TENM4: variants seen among roughly 807,000 people sequenced by gnomAD.
TENM4 encodes the protein teneurin transmembrane protein 4.
TENM4 carries 82 observed loss-of-function variants against 243.3 expected under a neutral mutation model. The observed-to-expected ratio is 0.34, with a 90% CI of 0.28 to 0.40. The LOEUF (loss-of-function observed/expected upper bound fraction) is 0.40, where lower values mean the gene tolerates loss of function less well. TENM4 is among the 10% of genes least tolerant of loss of function. TENM4 has a pLI of 1.00. For missense variants in TENM4, 3,138 were observed against 3,673.3 expected (o/e 0.85, Z 3.77); for synonymous variants, 1,412 against 1,456.3 (o/e 0.97, Z 0.69).
At chr11:79,211,661 T>C (rs1157847369) in intron 3 of TENM4, among the ~76,000 whole-genome samples, 2 of 152,260 alleles carry the variant, frequency 1.3e-5, no homozygotes, top group African/African-American at 2.4e-5. Context: ...TCATTATTCA[T>C]AAAAATATGT....
rs1328261961 is a variant in TENM4 at position 79,141,388 on chromosome 11, TAGA to T, written c.-66+7319_-66+7321del. Among the ~76,000 whole-genome samples, 21 of 148,524 alleles carry T rather than the reference TAGA, an allele frequency of 1.4e-4. 1 individual carries two copies. Among genetic ancestry groups the T allele is most frequent in the African/African-American group, 5.1e-4 (21 of 41,036 alleles). On this transcript the variant is annotated intron_variant, in intron 4 of 33. Transcript: ENST00000278550. The stretch of plus-strand genomic sequence containing the variant: ...CTGTATGCCAATAAATTGGAAAACC[TAGA>T]AGAAGTGGATAAATTCCTAGACATA...
chr11:79,226,372 G>A (rs953517593), intron 2 of TENM4, among the ~76,000 whole-genome samples: 5 of 152,238 alleles, frequency 3.3e-5, no homozygotes, highest in African/African-American at 1.2e-4. Context: ...AGCAGAGGGG[G>A]AGAGGGGTAC....
At chr11:79,380,573 G>T (rs1394166906) in intron 1 of TENM4, among the ~76,000 whole-genome samples, 1 of 152,164 alleles carries the variant, frequency 6.6e-6, no homozygotes, top group African/African-American at 2.4e-5. Flanking sequence ...CATAAGCTTG[G>T]GAAAAGCTGG....
At chr11:78,837,564 C>T (rs1270137352) in intron 12 of TENM4, among the ~76,000 whole-genome samples, 2 of 152,154 alleles carry the variant, frequency 1.3e-5, no homozygotes, top group East Asian at 3.9e-4. Context: ...CTTCTCCTGA[C>T]CATACCCTGT....
At chr11:79,251,766 G>T (rs1010982806) in intron 2 of TENM4, among the ~76,000 whole-genome samples, 2 of 150,594 alleles carry the variant, frequency 1.3e-5, no homozygotes, top group Non-Finnish European at 3.0e-5. Context: ...ATAAAATTAT[G>T]AGAAAATATA....
chr11:79,206,832 G>A (rs1042059137), intron 3 of TENM4, among the ~76,000 whole-genome samples: 2 of 152,120 alleles, frequency 1.3e-5, no homozygotes, highest in Non-Finnish European at 2.9e-5. Context: ...CGTGAAAATG[G>A]ACTAATACAC....
intron 6 of TENM4, 68 bp downstream of exon 6, chr11:79,064,670 T>G (rs1318197112): frequency 6.5e-7 from 1 of 1,532,048 alleles, no homozygotes; most frequent in Admixed American, 2.0e-5. Flanking sequence ...GAGCAGGAAA[T>G]CAATATTATA....
intron 6 of TENM4, among the ~76,000 whole-genome samples, chr11:78,998,504 T>C (rs1397078877): frequency 6.6e-6 from 1 of 152,140 alleles, no homozygotes; most frequent in Non-Finnish European, 1.5e-5. Flanking sequence ...ATAACTATTT[T>C]AATTTTCTGG....
chr11:79,315,665 C>G (rs1856791441), intron 1 of TENM4, among the ~76,000 whole-genome samples: 2 of 152,206 alleles, frequency 1.3e-5, no homozygotes, highest in African/African-American at 4.8e-5. Context: ...TCAGAATCTG[C>G]CACTTGTCAG....
intron 2 of TENM4, among the ~76,000 whole-genome samples, chr11:79,263,505 C>G (rs1363192953): frequency 6.6e-6 from 1 of 152,182 alleles, no homozygotes; most frequent in Admixed American, 6.5e-5. Flanking sequence ...GACGTGCACT[C>G]TAGTTTTTCC....
At chr11:79,116,309 C>T (rs2137118574) in intron 4 of TENM4, among the ~76,000 whole-genome samples, 1 of 152,264 alleles carries the variant, frequency 6.6e-6, no homozygotes, top group East Asian at 1.9e-4. Flanking sequence ...GAAAATGAGT[C>T]TCAGAAATGC....
chr11:79,116,298 A>G (rs1861619221), intron 4 of TENM4, among the ~76,000 whole-genome samples: 1 of 152,210 alleles, frequency 6.6e-6, no homozygotes, highest in Non-Finnish European at 1.5e-5. Context: ...TCACAGATGA[A>G]GAAAATGAGT....
intron 3 of TENM4, among the ~76,000 whole-genome samples, chr11:79,206,486 C>G (rs1322435249): frequency 1.3e-5 from 2 of 152,150 alleles, no homozygotes; most frequent in Non-Finnish European, 2.9e-5. Context: ...CCCTGGCTTC[C>G]CATGTACTTC....
chr11:78,998,329 C>T (rs932468739), intron 6 of TENM4, among the ~76,000 whole-genome samples: 5 of 152,138 alleles, frequency 3.3e-5, no homozygotes, highest in African/African-American at 1.2e-4. Flanking sequence ...TGAAATGGCA[C>T]TAACAACATT....
At chr11:78,774,634 G>C (rs2136003246) in intron 17 of TENM4, among the ~76,000 whole-genome samples, 1 of 152,324 alleles carries the variant, frequency 6.6e-6, no homozygotes, top group South Asian at 2.1e-4. Context: ...ATCAATGAGA[G>C]GGACAAGAGG....
At chr11:78,901,680 C>T (rs889609881) in intron 7 of TENM4, among the ~76,000 whole-genome samples, 2 of 152,082 alleles carry the variant, frequency 1.3e-5, no homozygotes, top group Non-Finnish European at 2.9e-5. Context: ...CATGTTCGGT[C>T]TTTCAATGAG....
intron 3 of TENM4, among the ~76,000 whole-genome samples, chr11:79,150,458 T>A (rs542888297): frequency 4.6e-5 from 7 of 152,276 alleles, no homozygotes; most frequent in African/African-American, 1.7e-4. Context: ...CATGACCTTG[T>A]CCCCTGTCCT....
At chr11:78,688,005 G>T (rs759751949) in intron 29 of TENM4, 49 bp downstream of exon 29, 2 of 1,592,316 alleles carry the variant, frequency 1.3e-6, no homozygotes, top group Non-Finnish European at 1.7e-6. Flanking sequence ...CTCCAAAGGG[G>T]TCTTCCCACC....
chr11:78,835,273 C>T (rs1321683365), intron 12 of TENM4, among the ~76,000 whole-genome samples: 7 of 152,198 alleles, frequency 4.6e-5, no homozygotes, highest in Middle Eastern at 3.4e-3. Context: ...TTTGAGAGGC[C>T]GAGGTGGACA....
Sources: gnomAD v4.1 joint callset for allele counts (sites outside exome capture counted in the v4.1 genomes callset) on GRCh38, gnomAD v4.1.1 for gene constraint, MANE v1.5 for transcripts, NCBI Gene and HGNC (gene_info 2026-07-23, HGNC 2026-07-21) for gene names.